The following ZFP64 variants were observed in gnomAD, a reference collection of about 807,000 sequenced individuals.
ZFP64 encodes zinc finger protein 64.
A neutral mutation model predicts 51.6 loss-of-function variants in ZFP64; 14 were observed. The observed-to-expected ratio is 0.27, with a 90% CI of 0.18 to 0.42. The LOEUF (loss-of-function observed/expected upper bound fraction) is 0.42. Among genes scored for constraint, ZFP64 ranks in the 10% least tolerant of loss-of-function variants. The pLI is 1.00. For missense variants in ZFP64, 754 were observed against 906.8 expected (o/e 0.83, Z 2.16); for synonymous variants, 375 against 361.4 (o/e 1.04, Z -0.43).
Position 52,098,511 on chromosome 20 carries a change from G to T in ZFP64, c.840C>A (p.Val280=), listed in dbSNP as rs146493239. The change falls in exon 6 of 9, where the codon GTC becomes GTA. Residue 280 remains valine, a synonymous_variant. Transcript: ENST00000361387. ...CCCTTGCCTCTGAGGGAAGAGTGAT[G>T]ACAGGGGCCTTCGGAGTGTCAGTGC... 2.5e-6 allele frequency: 4 copies of T among 1,614,184 alleles called. No individual in the cohort carries two copies. In the African/African-American group the frequency reaches 5.3e-5, roughly 22 times the overall value.
rs924222006 is a variant in ZFP64 at position 52,191,489 on chromosome 20, G to T, written c.46+102C>A. ...GGCTCCGAGCCGTCACCCCGATTTC[G>T]GGGCCCCGGGCCTGCTGGCTGCGTC... On this transcript the variant is annotated intron_variant, in intron 1 of 5. Transcript: ENST00000216923. The surrounding 1 kb of genome is among the most constrained non-coding windows in gnomAD (Gnocchi z 4.3). The T allele has an allele frequency of 1.5e-6, 2 of 1,331,046 alleles. No homozygotes were observed. The highest frequency in any genetic ancestry group is 1.9e-6 in the Non-Finnish European group (2 of 1,035,948). The allele number at this position is 1,331,046 out of a possible 1,614,324, so 82.5% of individuals were successfully genotyped here.
intron 7 of ZFP64, among the ~76,000 whole-genome samples, chr20:52,095,097 C>A (rs756518775): frequency 5.9e-5 from 9 of 152,244 alleles, no homozygotes; most frequent in Non-Finnish European, 1.2e-4. Flanking sequence ...AAAAGAACCA[C>A]AGGTTAGAAT....
At chr20:52,095,545 C>A (rs772772771) in intron 7 of ZFP64, among the ~76,000 whole-genome samples, 3 of 152,200 alleles carry the variant, frequency 2.0e-5, no homozygotes, top group Non-Finnish European at 4.4e-5. Context: ...CATGAGGCCT[C>A]CATGCCTTTT....
At chr20:52,095,675 CTTATCTT>C (rs2078980856) in intron 7 of ZFP64, among the ~76,000 whole-genome samples, 3 of 152,184 alleles carry the variant, frequency 2.0e-5, no homozygotes, top group Non-Finnish European at 4.4e-5. Flanking sequence ...AGAACAAGGC[CTTATCTT>C]TTATGTCCTG....
In ZFP64 at chr20:52,110,504, T is replaced by A. The variant is rs1978502643; in HGVS notation, c.764-11917A>T. 4 of 714,036 alleles carry A rather than the reference T, an allele frequency of 5.6e-6. No individual in the cohort carries two copies. In the East Asian group the frequency reaches 7.3e-5, roughly 13 times the overall value. The allele number at this position is 714,036 out of a possible 1,614,324, so 44.2% of individuals were successfully genotyped here. ...AAGTCCTCTGCCTAGTCTAAGATCTTCCCTGTGATCTTCAGGTATTGCTCG... is the reference window on the plus strand; with the variant it reads ...AAGTCCTCTGCCTAGTCTAAGATCTACCCTGTGATCTTCAGGTATTGCTCG... On this transcript the variant is annotated intron_variant, in intron 5 of 8. Coordinates refer to the ZFP64 transcript ENST00000361387.
At chr20:52,128,278 A>C (rs1297100042) in intron 5 of ZFP64, among the ~76,000 whole-genome samples, 1 of 152,104 alleles carries the variant, frequency 6.6e-6, no homozygotes, top group Non-Finnish European at 1.5e-5. Context: ...CTCTATAAAT[A>C]ATAATAATAA....
intron 2 of ZFP64, among the ~76,000 whole-genome samples, chr20:52,173,730 C>A (rs928709001): frequency 6.6e-6 from 1 of 151,606 alleles, no homozygotes; most frequent in Non-Finnish European, 1.5e-5. Context: ...CTCACAGCAA[C>A]CTCCGCTACC....
At chr20:52,127,298 T>TTATTAAAAAA (rs1979492524) in intron 5 of ZFP64, among the ~76,000 whole-genome samples, 1 of 151,952 alleles carries the variant, frequency 6.6e-6, no homozygotes, top group Non-Finnish European at 1.5e-5. Flanking sequence ...TTTTTTCTTT[T>TTATTAAAAAA]AAAGGGAAGA....
chr20:52,115,783 TTCTCTCTC>T (rs74996752), intron 5 of ZFP64, among the ~76,000 whole-genome samples: 3 of 143,330 alleles, frequency 2.1e-5, no homozygotes, highest in African/African-American at 7.5e-5. Flanking sequence ...GAACCTAAAT[TTCTCTCTC>T]TCTCTCTCTC....
intron 5 of ZFP64, among the ~76,000 whole-genome samples, chr20:52,102,830 T>C (rs2079067613): frequency 6.6e-6 from 1 of 152,194 alleles, no homozygotes; most frequent in Admixed American, 6.5e-5. Context: ...TGAAGTTCTT[T>C]AGTATATGTA....
At chr20:52,089,748 A>AC (rs1359429371) in intron 7 of ZFP64, among the ~76,000 whole-genome samples, 1 of 151,918 alleles carries the variant, frequency 6.6e-6, no homozygotes, top group Non-Finnish European at 1.5e-5. Flanking sequence ...CTCAAAAAAA[A>AC]AAAAAAAAAA....
intron 7 of ZFP64, among the ~76,000 whole-genome samples, chr20:52,090,548 C>A (rs532524198): frequency 1.3e-5 from 2 of 152,084 alleles, no homozygotes; most frequent in South Asian, 4.1e-4. Context: ...CACCTGTAAT[C>A]CCAGCACTTT....
rs752877993 is a variant in ZFP64 at position 52,152,685 on chromosome 20, G to A, written c.1507C>T (p.His503Tyr). ...SEGRVKIIVG[H>Y]QVPQANTIVQ... The stretch of plus-strand genomic sequence containing the variant: ...ATGGTGTTCGCCTGGGGCACCTGAT[G>A]CCCAACGATGATTTTGACTCTTCCC... Residue 503 changes from histidine (H) to tyrosine (Y), a missense_variant, in exon 6 of 6, where the codon CAT (histidine) becomes TAT (tyrosine). Around this residue, in one of 3 missense-constraint regions of ZFP64, gnomAD observed 428 missense variants for 472.4 expected, o/e 0.91. Transcript: ENST00000216923. 13 of 1,546,748 alleles carry A rather than the reference G, an allele frequency of 8.4e-6. No homozygotes were observed. Among genetic ancestry groups the A allele is most frequent in the Non-Finnish European group, 1.1e-5 (13 of 1,147,578 alleles).
intron 5 of ZFP64, among the ~76,000 whole-genome samples, chr20:52,137,677 A>T (rs1980043578): frequency 6.6e-6 from 1 of 152,178 alleles, no homozygotes; most frequent in African/African-American, 2.4e-5. Flanking sequence ...GAGACATACC[A>T]TAGGGCAAAA....
rs1164512289 is a variant in ZFP64, at chr20:52,188,308, CT to C, written c.47-1238del. The stretch of plus-strand genomic sequence containing the variant: ...GCAGGGACATTATTTCTTTTTCTTT[CT>C]TTTTTTTTTTTTTTTTTTTTTTTGA... On this transcript the variant is annotated intron_variant, in intron 1 of 5. Coordinates refer to ENST00000216923, the MANE Select transcript of ZFP64 (RefSeq NM_018197.3). Among the ~76,000 whole-genome samples, 921 of 104,172 alleles carry C rather than the reference CT, an allele frequency of 8.8e-3. 9 individuals are homozygous for C. Among genetic ancestry groups the C allele is most frequent in the African/African-American group, 0.012 (356 of 29,840 alleles). 68.3% of individuals were successfully genotyped at this position (104,172 alleles called of 152,430 possible).
downstream of ZFP64, among the ~76,000 whole-genome samples, chr20:52,148,834 A>G (rs1274925706): frequency 1.3e-5 from 2 of 152,218 alleles, no homozygotes; most frequent in Admixed American, 6.5e-5. Flanking sequence ...TAGAAAACAC[A>G]CGTGCCACAA....
chr20:52,123,797 T>C (rs1312131175), intron 5 of ZFP64, among the ~76,000 whole-genome samples: 2 of 151,146 alleles, frequency 1.3e-5, no homozygotes, highest in Middle Eastern at 3.4e-3. Flanking sequence ...GAGTGACTTC[T>C]GAATCTCCAG....
At position 52,151,332 on chromosome 20, in the gene ZFP64, G is replaced by A. The variant is rs1457685123; in HGVS notation, c.*814C>T. ...GGAACCATTCATTTTCTGCTCATTA[G>A]CACTAAACATTTTTTTTTGGGTCAA... On this transcript the variant is annotated 3_prime_UTR_variant, in exon 6 of 6. Coordinates refer to ENST00000216923, the MANE Select transcript of ZFP64 (RefSeq NM_018197.3). The A allele has an allele frequency of 1.0e-6, 1 of 985,108 alleles. No homozygotes were observed. The highest frequency in any genetic ancestry group is 1.2e-6 in the Non-Finnish European group (1 of 829,874). The allele number at this position is 985,108 out of a possible 1,614,324, so 61.0% of individuals were successfully genotyped here.
chr20:52,177,455 G>C (rs1450188473), intron 2 of ZFP64, among the ~76,000 whole-genome samples: 1 of 152,070 alleles, frequency 6.6e-6, no homozygotes, highest in African/African-American at 2.4e-5. Context: ...GCAGGATCTG[G>C]AGTTTTGGGA....
Sources: gnomAD v4.1 joint callset for allele counts (sites outside exome capture counted in the v4.1 genomes callset) on GRCh38, gnomAD v4.1.1 for gene constraint, gnomAD v4.1.1 regional missense constraint, Gnocchi (gnomAD v3.1) non-coding constraint, MANE v1.5 for transcripts, NCBI Gene and HGNC (gene_info 2026-07-23, HGNC 2026-07-21) for gene names.